The following PLEKHG5 variants were observed in gnomAD, a reference collection of about 807,000 sequenced individuals.
The protein encoded by PLEKHG5 is pleckstrin homology domain-containing family G member 5.
Under a neutral mutation model 103.8 loss-of-function variants are expected in PLEKHG5, and 52 were observed. That is an observed-to-expected ratio of 0.50 (90% confidence interval 0.40 to 0.63). The LOEUF is 0.63. PLEKHG5 is among the 30% of genes least tolerant of loss of function. PLEKHG5 has a pLI of 0.00. For synonymous variants in PLEKHG5, 592 were observed against 575.5 expected (o/e 1.03, Z -0.41); for missense variants, 1,205 against 1,347.6 (o/e 0.89, Z 1.66).
At position 6,469,690 on chromosome 1, in the gene PLEKHG5, AG is replaced by A. The variant is rs750991690; in HGVS notation, c.1801-15del. 3.2e-5 allele frequency: 52 copies of A among 1,610,046 alleles called. No individual in the cohort carries two copies. Among genetic ancestry groups the A allele is most frequent in the Middle Eastern group, 1.8e-4 (1 of 5,426 alleles). ...GTACACATCCATCTGCAGTGGCAGGAGGGGGGGTGGCCAGAGAGGCCAGCAG... is the reference window on the plus strand; with the variant it reads ...GTACACATCCATCTGCAGTGGCAGGAGGGGGGTGGCCAGAGAGGCCAGCAG... On this transcript the variant is annotated splice_polypyrimidine_tract_variant and intron_variant, in intron 16 of 20. Coordinates refer to ENST00000377728, the MANE Select transcript of PLEKHG5 (RefSeq NM_020631.6).
At chr1:6,471,216 G>T in intron 12 of PLEKHG5, 116 bp from the exon 13 acceptor site, 1 of 887,846 alleles carries the variant, frequency 1.1e-6, no homozygotes. Context: ...CCCCAAGGGG[G>T]CAGCAAGCTT....
At chr1:6,517,199 T>C (rs111299855) in intron 1 of PLEKHG5, among the ~76,000 whole-genome samples, 6,064 of 148,516 alleles carry the variant, frequency 0.041, 383 homozygotes, top group African/African-American at 0.13. Context: ...CCCAGCTACT[T>C]GGGAGGCTGA....
At position 6,470,739 on chromosome 1, in the gene PLEKHG5, G is replaced by A. The variant is rs1557740017; in HGVS notation, c.1538C>T (p.Ala513Val). The A allele has an allele frequency of 6.4e-7, 1 of 1,557,294 alleles. No individual in the cohort carries two copies. The highest frequency in any genetic ancestry group is 8.7e-7 in the Non-Finnish European group (1 of 1,152,906). Residue 513 changes from alanine to valine, a missense_variant, in exon 14 of 21, where the codon GCC becomes GTC. Coordinates refer to ENST00000377728, the MANE Select transcript of PLEKHG5 (RefSeq NM_020631.6). Reference protein sequence around the residue: ...EEPRAKEAVVAMIGSVERFIH... With the variant: ...EEPRAKEAVVVMIGSVERFIH... ...CCCGCTGGCCATCAGGGTTACCATGGCGACGACGGCCTCCTTGGCGCGCGG... is the reference window on the plus strand; with the variant it reads ...CCCGCTGGCCATCAGGGTTACCATGACGACGACGGCCTCCTTGGCGCGCGG...
At chr1:6,519,396 G>T in intron 1 of PLEKHG5, 1 of 1,414,176 alleles carries the variant, frequency 7.1e-7, no homozygotes, top group Non-Finnish European at 1.0e-6. Context: ...CTTTCACTCT[G>T]TGTCCTCAAA....
At chr1:6,468,616 G>A (rs1644468494) in intron 19 of PLEKHG5, 30 bp from the exon 20 acceptor site, 2 of 1,612,492 alleles carry the variant, frequency 1.2e-6, no homozygotes, top group African/African-American at 1.3e-5. Flanking sequence ...GTCAGCCCAG[G>A]CCATGAAACC....
At chr1:6,497,365 G>T (rs1488864554), upstream of PLEKHG5, 1 of 1,101,004 alleles carries the variant, frequency 9.1e-7, no homozygotes, top group Non-Finnish European at 1.1e-6. The surrounding 1 kb of genome is among the most constrained non-coding windows in gnomAD (Gnocchi z 6.1). Flanking sequence ...CGGCGGGCGG[G>T]GGCGCCGGGG....
chr1:6,475,229 CA>C (rs1334936911), intron 4 of PLEKHG5, 91 bp from the exon 5 acceptor site: 14 of 692,088 alleles, frequency 2.0e-5, no homozygotes, highest in South Asian at 9.3e-5. Flanking sequence ...CCCTCCTTCC[CA>C]ACCCTCCTCC....
At chr1:6,499,625 C>T (rs150109048), upstream of PLEKHG5, among the ~76,000 whole-genome samples, 44 of 152,142 alleles carry the variant, frequency 2.9e-4, no homozygotes, top group East Asian at 4.1e-3. Context: ...GCCTGTGGGG[C>T]TTGGGGGTGA....
At chr1:6,488,556 G>T (rs1287311192) in intron 1 of PLEKHG5, among the ~76,000 whole-genome samples, 2 of 152,224 alleles carry the variant, frequency 1.3e-5, no homozygotes, top group Non-Finnish European at 2.9e-5. Context: ...CTGGGCCCTG[G>T]CCATCCCTGA....
Position 6,468,085 on chromosome 1 carries a change from C to G in PLEKHG5, c.2751G>C (p.Gln917His). Residue 917 changes from glutamine (Q) to histidine (H), a missense_variant, in exon 20 of 21, where the codon CAG (glutamine) becomes CAC (histidine). By Grantham distance (24) the Gln-to-His change is conservative. Coordinates refer to ENST00000377728, the MANE Select transcript of PLEKHG5 (RefSeq NM_020631.6). ...LAVPAPGIRT[Q>H]GSPQEAGPSW... is the part of the protein sequence containing the mutation. ...TGGGCCCAGCTTCCTGAGGGGAGCC[C>G]TGAGTCCTAATACCTGGGGCTGGAA... is the stretch of plus-strand genomic sequence containing the variant. The G allele has an allele frequency of 3.2e-6, 5 of 1,585,446 alleles. No homozygotes were observed. The highest frequency in any genetic ancestry group is 4.3e-6 in the Non-Finnish European group (5 of 1,167,506).
chr1:6,501,020 G>A (rs752271805), upstream of PLEKHG5, among the ~76,000 whole-genome samples: 9 of 152,178 alleles, frequency 5.9e-5, no homozygotes, highest in South Asian at 2.1e-4. The surrounding 1 kb of genome is among the most constrained non-coding windows in gnomAD (Gnocchi z 4.3). Context: ...ACAGGGTTTC[G>A]GAAGAATTTA....
rs1165987785 is a variant in PLEKHG5, at chr1:6,472,524, C to T, written c.1080+3G>A. On this transcript the variant is annotated splice_donor_region_variant and intron_variant, in intron 10 of 20. Coordinates refer to ENST00000377728, the MANE Select transcript of PLEKHG5 (RefSeq NM_020631.6). ...CACGGGGACCAGCGCAGCCCCTACT[C>T]ACGTTGATGATCACCCGCAGTTTCC... 6 of 1,603,762 alleles carry T rather than the reference C, an allele frequency of 3.7e-6. No homozygotes were observed. Among genetic ancestry groups the T allele is most frequent in the Non-Finnish European group, 5.1e-6 (6 of 1,170,926 alleles).
chr1:6,478,197 T>C (rs566262282), intron 1 of PLEKHG5, among the ~76,000 whole-genome samples: 6 of 152,156 alleles, frequency 3.9e-5, no homozygotes, highest in East Asian at 1.9e-4. Flanking sequence ...CCATCTTTTT[T>C]TTTCTTTCTT....
At position 6,474,583 on chromosome 1, in the gene PLEKHG5, C is replaced by A. The variant is rs141032388; in HGVS notation, c.307G>T (p.Val103Leu). ...TTCCTTTCAAATACAGGCAGCAGCACCTCCCTGCCCCCAGGACAGGAGGCA... is the reference window on the plus strand; with the variant it reads ...TTCCTTTCAAATACAGGCAGCAGCAACTCCCTGCCCCCAGGACAGGAGGCA... ...PAMKKKSLGE[V>L]LLPVFERKGI... is the part of the protein sequence containing the mutation. The change falls in exon 6 of 21, where the codon GTG becomes TTG. Residue 103 changes from valine to leucine, a missense_variant. Coordinates refer to ENST00000377728, the MANE Select transcript of PLEKHG5 (RefSeq NM_020631.6). 3.1e-6 allele frequency: 5 copies of A among 1,613,568 alleles called. No homozygotes were observed. Among genetic ancestry groups the A allele is most frequent in the Non-Finnish European group, 3.4e-6 (4 of 1,179,978 alleles).
chr1:6,475,918 A>G lies in PLEKHG5; in HGVS notation c.149+13T>C. On this transcript the variant is annotated intron_variant, in intron 3 of 20. Transcript: ENST00000377728. The stretch of plus-strand genomic sequence containing the variant: ...CCTCCAGGTATCTCTCTGCCCACTC[A>G]TCCCTCACCTACCCTTTGCCATCCA... 6.2e-7 allele frequency: 1 copy of G among 1,604,110 alleles called. No individual in the cohort carries two copies. The highest frequency in any genetic ancestry group is 1.7e-5 in the Admixed American group (1 of 60,012).
chr1:6,472,348 A>C (rs996974447), intron 10 of PLEKHG5, among the ~76,000 whole-genome samples, 179 bp downstream of exon 10: 3 of 152,202 alleles, frequency 2.0e-5, no homozygotes, highest in Admixed American at 1.3e-4. Context: ...ACCTGCCCGA[A>C]GCCCCCTCCC....
rs369674970 is a variant in PLEKHG5 at position 6,474,422 on chromosome 1, G to C, written c.439+29C>G. The C allele has an allele frequency of 1.8e-5, 29 of 1,612,820 alleles. No homozygotes were observed. In the Admixed American group the frequency reaches 2.8e-4, roughly 16 times the overall value. ...TCCAGGAGGCTCCGCCAGTCCCAGC[G>C]GCCCCATTTGGCCCAGGCTGCTTCT... On this transcript the variant is annotated intron_variant, in intron 6 of 20. Transcript: ENST00000377728.
At chr1:6,470,213 G>C in intron 16 of PLEKHG5, 23 bp downstream of exon 16, 1 of 1,613,140 alleles carries the variant, frequency 6.2e-7, no homozygotes, top group Middle Eastern at 1.7e-4. Flanking sequence ...CAGGGCACAG[G>C]GGTGGGGTGG....
In PLEKHG5 at chr1:6,473,519, G is replaced by A. The variant is rs1165831041; in HGVS notation, c.592-65C>T. 1.8e-5 allele frequency: 24 copies of A among 1,320,982 alleles called. 1 individual carries two copies. The highest frequency in any genetic ancestry group is 2.7e-4 in the Middle Eastern group (1 of 3,756). 81.8% of individuals were successfully genotyped at this position (1,320,982 alleles called of 1,614,324 possible). On this transcript the variant is annotated intron_variant, in intron 7 of 20. Transcript: ENST00000377728. ...AGCCCCCATGGCCCCACCCCAGGGC[G>A]GGTTTCCAGGGCCTCAGGCCAGCCT...
Sources: allele counts gnomAD v4.1 joint callset (sites outside exome capture counted in the v4.1 genomes callset), GRCh38; gene constraint gnomAD v4.1.1; non-coding constraint Gnocchi (gnomAD v3.1); transcripts MANE v1.5; gene names NCBI Gene and HGNC (gene_info 2026-07-23, HGNC 2026-07-21).